The following VRK3 variants were observed in gnomAD, a reference collection of about 807,000 sequenced individuals.
VRK3 encodes serine/threonine-protein kinase VRK3.
Under a neutral mutation model 60.4 loss-of-function variants are expected in VRK3, and 50 were observed. The ratio of observed to expected loss-of-function variants is 0.83; its 90% CI spans 0.66 to 1.05. VRK3 has a LOEUF of 1.05. VRK3 is among the 50% of genes least tolerant of loss of function. The pLI, the probability that VRK3 is intolerant of heterozygous loss-of-function variation, is 0.00. For missense variants in VRK3, 549 were observed against 585.3 expected (o/e 0.94, Z 0.64); for synonymous variants, 246 against 227.8 (o/e 1.08, Z -0.72).
intron 13 of VRK3, 61 bp from the exon 14 acceptor site, chr19:49,979,303 TG>T (rs1341691397): frequency 5.2e-5 from 84 of 1,610,314 alleles, no homozygotes; most frequent in Non-Finnish European, 2.5e-6. Flanking sequence ...ACCCCGATCC[TG>T]GGGGTCTCCA....
At chr19:49,985,180 A>C (rs2076490748) in intron 12 of VRK3, among the ~76,000 whole-genome samples, 1 of 151,936 alleles carries the variant, frequency 6.6e-6, no homozygotes, top group Non-Finnish European at 1.5e-5. Context: ...TTACACAGGG[A>C]CTCCAGCGGG....
At chr19:50,016,287 T>C in intron 2 of VRK3, 124 bp from the exon 3 acceptor site, 2 of 1,274,900 alleles carry the variant, frequency 1.6e-6, no homozygotes, top group East Asian at 2.5e-5. Flanking sequence ...TTCAACTGTT[T>C]GTGATGTTCA....
At chr19:50,003,724 CT>C (rs2122334508) in intron 5 of VRK3, among the ~76,000 whole-genome samples, 1 of 152,380 alleles carries the variant, frequency 6.6e-6, no homozygotes, top group South Asian at 2.1e-4. Context: ...ACTCCACCAT[CT>C]CTTCTTGACT....
At chr19:50,023,225 G>A (rs1025697662) in intron 1 of VRK3, among the ~76,000 whole-genome samples, 2 of 151,836 alleles carry the variant, frequency 1.3e-5, no homozygotes, top group African/African-American at 4.8e-5. Context: ...GGCTCTTTTC[G>A]CCCAGGCTGG....
At chr19:50,013,937 G>T (rs926411765) in intron 3 of VRK3, among the ~76,000 whole-genome samples, 1 of 152,164 alleles carries the variant, frequency 6.6e-6, no homozygotes, top group African/African-American at 2.4e-5. Flanking sequence ...GTAGTGGTAG[G>T]GAAAGTGTCT....
chr19:49,997,522 C>T lies in VRK3; in HGVS notation c.661G>A (p.Ala221Thr), dbSNP rs1241399183. Residue 221 changes from alanine (A) to threonine (T), a missense_variant, in exon 7 of 15, where the codon GCC becomes ACC. By Grantham distance (58) the Ala-to-Thr change is moderately conservative. Transcript: ENST00000316763. The part of the protein sequence containing the change: ...LFNEQNFFQR[A>T]AKPLQVNKWK... ...CAGGTACCTTGCAGAGGCTTGGCGG[C>T]CCGCTGGAAGAAGTTCTGCTCATTG... The T allele has an allele frequency of 1.9e-6, 3 of 1,613,960 alleles. No individual in the cohort carries two copies. Among genetic ancestry groups the T allele is most frequent in the Non-Finnish European group, 2.5e-6 (3 of 1,179,918 alleles).
chr19:50,013,808 G>A (rs1255036485), intron 3 of VRK3, among the ~76,000 whole-genome samples: 1 of 152,184 alleles, frequency 6.6e-6, no homozygotes, highest in African/African-American at 2.4e-5. Context: ...GGAGCTTACA[G>A]AAGAAGCAAT....
intron 9 of VRK3, among the ~76,000 whole-genome samples, chr19:49,993,986 G>A (rs1321265382): frequency 2.6e-5 from 4 of 151,930 alleles, no homozygotes; most frequent in Admixed American, 2.0e-4. Flanking sequence ...TGGCTCTCCA[G>A]TGCCCTCAAG....
At chr19:49,990,058 A>G (rs1006796857) in intron 10 of VRK3, among the ~76,000 whole-genome samples, 9 of 151,662 alleles carry the variant, frequency 5.9e-5, no homozygotes, top group African/African-American at 1.7e-4. Flanking sequence ...CCAGGTAAAC[A>G]TATGTGGATG....
chr19:49,977,646 G>A (rs962268599), intron 14 of VRK3, among the ~76,000 whole-genome samples: 1 of 152,148 alleles, frequency 6.6e-6, no homozygotes, highest in Non-Finnish European at 1.5e-5. Flanking sequence ...AAGTGACCCC[G>A]TGGTCAGTCT....
At chr19:49,983,837 T>C (rs947053460) in intron 12 of VRK3, among the ~76,000 whole-genome samples, 1 of 152,186 alleles carries the variant, frequency 6.6e-6, no homozygotes, top group Admixed American at 6.5e-5. Flanking sequence ...CCCTTGGTTA[T>C]TGTCTGGGCT....
chr19:49,979,602 T>C (rs1046023752), intron 13 of VRK3, among the ~76,000 whole-genome samples: 2 of 152,132 alleles, frequency 1.3e-5, no homozygotes, highest in Admixed American at 1.3e-4. Context: ...ATATTTAGCA[T>C]GTATCTTTAA....
At chr19:49,985,007 G>GC (rs914837557) in intron 12 of VRK3, among the ~76,000 whole-genome samples, 1 of 152,158 alleles carries the variant, frequency 6.6e-6, no homozygotes, top group Admixed American at 6.5e-5. Context: ...GGGAATTGAG[G>GC]CCCCCCTACT....
At chr19:50,006,679 AAAG>A (rs1214276715) in intron 5 of VRK3, among the ~76,000 whole-genome samples, 32 of 152,174 alleles carry the variant, frequency 2.1e-4, no homozygotes, top group African/African-American at 7.2e-4. Flanking sequence ...CTGGCCAATA[AAAG>A]AATAACTTTT....
chr19:49,990,909 T>C (rs8103356), intron 10 of VRK3, among the ~76,000 whole-genome samples: 7,956 of 152,152 alleles, frequency 0.052, 690 homozygotes, highest in African/African-American at 0.18. Flanking sequence ...CTCAGCCTCC[T>C]GAGTAGCTGG....
chr19:49,984,121 CATG>C (rs1183015416), intron 12 of VRK3, among the ~76,000 whole-genome samples: 3 of 152,158 alleles, frequency 2.0e-5, no homozygotes, highest in Admixed American at 6.5e-5. Context: ...ATGTGAAAAG[CATG>C]ATAAGACCGC....
Position 50,007,209 on chromosome 19 carries a change from C to T in VRK3, c.547+360G>A, listed in dbSNP as rs965832080. 3.3e-5 allele frequency among the ~76,000 whole-genome samples: 5 copies of T among 152,288 alleles called. 1 individual carries two copies. Among genetic ancestry groups the T allele is most frequent in the African/African-American group, 4.8e-5 (2 of 41,548 alleles). Reference sequence around the variant, plus strand: ...CAAATTTTACGTGGGGATCCATCCTCTCTCTGCACACTGGCCAGAACAACC... The same window carrying T: ...CAAATTTTACGTGGGGATCCATCCTTTCTCTGCACACTGGCCAGAACAACC... On this transcript the variant is annotated intron_variant, in intron 5 of 14. Transcript: ENST00000316763.
chr19:49,991,247 G>C (rs1215557919), intron 10 of VRK3, among the ~76,000 whole-genome samples: 1 of 152,144 alleles, frequency 6.6e-6, no homozygotes, highest in Non-Finnish European at 1.5e-5. Context: ...CTTAATGTGG[G>C]TGGGTCTCAT....
At chr19:49,988,598 C>A in intron 11 of VRK3, 106 bp from the exon 12 acceptor site, 1 of 1,434,696 alleles carries the variant, frequency 7.0e-7, no homozygotes, top group South Asian at 1.3e-5. Context: ...ACCACACACT[C>A]ATACACCCAG....
Sources: allele counts gnomAD v4.1 joint callset (sites outside exome capture counted in the v4.1 genomes callset), GRCh38; gene constraint gnomAD v4.1.1; transcripts MANE v1.5; gene names NCBI Gene and HGNC (gene_info 2026-07-23, HGNC 2026-07-21).